The following COBLL1 variants were observed in gnomAD, a reference collection of about 807,000 sequenced individuals.
COBLL1 encodes cordon-bleu WH2 repeat protein like 1.
A neutral mutation model predicts 94.8 loss-of-function variants in COBLL1; 50 were observed. The observed-to-expected ratio is 0.53, with a 90% CI of 0.42 to 0.67. The LOEUF (loss-of-function observed/expected upper bound fraction) is 0.67. Among genes scored for constraint, COBLL1 ranks in the 30% least tolerant of loss-of-function variants. COBLL1 has a pLI of 0.00. For missense variants in COBLL1, 1,362 were observed against 1,348.7 expected, an observed-to-expected ratio of 1.01 and a Z score of -0.15; for synonymous variants, 448 against 473.8, an observed-to-expected ratio of 0.95 and a Z score of 0.71.
intron 7 of COBLL1, among the ~76,000 whole-genome samples, chr2:164,712,322 T>C (rs1684938777): frequency 6.6e-6 from 1 of 152,144 alleles, no homozygotes; most frequent in Non-Finnish European, 1.5e-5. Context: ...TAATGTTAAA[T>C]GTTTCTAATA....
intron 3 of COBLL1, among the ~76,000 whole-genome samples, chr2:164,733,678 C>A (rs1248000361): frequency 6.6e-6 from 1 of 152,156 alleles, no homozygotes; most frequent in Non-Finnish European, 1.5e-5. Flanking sequence ...GTAAGTGGTA[C>A]TGGGAAAACT....
intron 2 of COBLL1, among the ~76,000 whole-genome samples, chr2:164,797,509 A>G (rs1353862060): frequency 2.0e-5 from 3 of 152,184 alleles, no homozygotes; most frequent in African/African-American, 4.8e-5. Flanking sequence ...TTATTAAACA[A>G]TATATCCACC....
intron 2 of COBLL1, among the ~76,000 whole-genome samples, chr2:164,773,114 C>T (rs954686273): frequency 5.3e-5 from 5 of 94,286 alleles, no homozygotes; most frequent in Non-Finnish European, 8.9e-5. Flanking sequence ...ATGCCAGGAT[C>T]GTACAGGGGA....
intron 9 of COBLL1, among the ~76,000 whole-genome samples, chr2:164,702,469 C>T (rs1388637345): frequency 3.5e-5 from 5 of 144,222 alleles, no homozygotes; most frequent in Non-Finnish European, 6.0e-5. Flanking sequence ...CAAGCTGAGG[C>T]GGGAGAATGG....
chr2:164,751,037 A>T (rs1333380504), intron 2 of COBLL1, among the ~76,000 whole-genome samples: 1 of 152,120 alleles, frequency 6.6e-6, no homozygotes, highest in Non-Finnish European at 1.5e-5. Context: ...AGCCTTCCAT[A>T]GCTTTGCCCT....
chr2:164,666,303 C>A (rs1294494027), intron 1 of COBLL1, among the ~76,000 whole-genome samples: 1 of 152,058 alleles, frequency 6.6e-6, no homozygotes, highest in Non-Finnish European at 1.5e-5. Context: ...ATACTATAGT[C>A]TAGTAATTGT....
In COBLL1 at chr2:164,673,858, T is replaced by C. The variant is rs189468817; in HGVS notation, n.127-7957A>G. On this transcript the variant is annotated intron_variant and non_coding_transcript_variant, in intron 1 of 2. Transcript: ENST00000495084. ...TTTGGGCAAATTAAACCTAACCAAA[T>C]TTTTAAAAAATATCTCTTTAGAAAC... 5.3e-5 allele frequency among the ~76,000 whole-genome samples: 8 copies of C among 152,206 alleles called. No individual in the cohort carries two copies. The East Asian group carries it at 1.5e-3, about 29-fold the overall frequency.
chr2:164,805,251 T>C (rs975842798), intron 2 of COBLL1, among the ~76,000 whole-genome samples: 2 of 144,140 alleles, frequency 1.4e-5, no homozygotes, highest in African/African-American at 5.2e-5. Context: ...TTGTTACAAC[T>C]AATGAACCAA....
intron 7 of COBLL1, among the ~76,000 whole-genome samples, chr2:164,709,456 G>A (rs924314956): frequency 1.3e-5 from 2 of 152,180 alleles, no homozygotes; most frequent in Non-Finnish European, 1.5e-5. Context: ...CGTGGCTCAC[G>A]CCTGTAATCC....
intron 2 of COBLL1, among the ~76,000 whole-genome samples, chr2:164,751,874 C>A: frequency 6.6e-6 from 1 of 152,210 alleles, no homozygotes; most frequent in East Asian, 1.9e-4. Flanking sequence ...TTTGCCCAGA[C>A]GCTCGGTAAT....
intron 2 of COBLL1, among the ~76,000 whole-genome samples, chr2:164,794,790 C>T (rs925195652): frequency 1.3e-5 from 2 of 152,090 alleles, no homozygotes; most frequent in East Asian, 3.9e-4. Context: ...AGACACAGAC[C>T]CTCTTGCCCC....
chr2:164,787,584 A>C (rs1230992307), intron 2 of COBLL1, among the ~76,000 whole-genome samples: 1 of 152,156 alleles, frequency 6.6e-6, no homozygotes, highest in Non-Finnish European at 1.5e-5. Context: ...ATAAGTATCC[A>C]TCCTCTGAAT....
intron 2 of COBLL1, among the ~76,000 whole-genome samples, chr2:164,764,537 T>G (rs1687843737): frequency 6.6e-6 from 1 of 152,148 alleles, no homozygotes; most frequent in African/African-American, 2.4e-5. Flanking sequence ...GCAAAGAGCA[T>G]GTAGTTATGG....
intron 9 of COBLL1, among the ~76,000 whole-genome samples, chr2:164,702,643 C>T (rs963237526): frequency 1.3e-5 from 2 of 150,228 alleles, no homozygotes; most frequent in Admixed American, 1.3e-4. Context: ...GGTTTAGATA[C>T]AAATGTGTTT....
At chr2:164,756,534 T>G (rs1345289580) in intron 2 of COBLL1, among the ~76,000 whole-genome samples, 1 of 152,208 alleles carries the variant, frequency 6.6e-6, no homozygotes, top group Non-Finnish European at 1.5e-5. Context: ...AGAGTAATAG[T>G]TTATTCCTAA....
chr2:164,750,604 C>G (rs1043267899), intron 2 of COBLL1, among the ~76,000 whole-genome samples: 1 of 152,156 alleles, frequency 6.6e-6, no homozygotes, highest in African/African-American at 2.4e-5. Context: ...CTGTAGTAGT[C>G]AGAGTGAACT....
At chr2:164,715,978 T>C (rs1246584986) in intron 7 of COBLL1, among the ~76,000 whole-genome samples, 5 of 152,214 alleles carry the variant, frequency 3.3e-5, no homozygotes, top group Non-Finnish European at 7.3e-5. Flanking sequence ...CAAAAGGTTC[T>C]GTGAATTCTA....
chr2:164,668,572 C>T (rs1046313197), intron 1 of COBLL1, among the ~76,000 whole-genome samples: 5 of 152,184 alleles, frequency 3.3e-5, no homozygotes, highest in Non-Finnish European at 7.4e-5. Flanking sequence ...TTGGAAAAAT[C>T]GCACTAATCA....
intron 2 of COBLL1, among the ~76,000 whole-genome samples, chr2:164,746,228 C>T (rs1686850604): frequency 6.6e-6 from 1 of 152,156 alleles, no homozygotes; most frequent in African/African-American, 2.4e-5. Context: ...AAGCTGCCAA[C>T]TGGTGTCCCT....
Sources: gnomAD v4.1 joint callset for allele counts (sites outside exome capture counted in the v4.1 genomes callset) on GRCh38, gnomAD v4.1.1 for gene constraint, MANE v1.5 for transcripts, NCBI Gene and HGNC (gene_info 2026-07-23, HGNC 2026-07-21) for gene names.